Variants in PRKD1 observed in about 807,000 individuals in gnomAD.
The protein encoded by PRKD1 is protein kinase D1.
Under a neutral mutation model 95.9 loss-of-function variants are expected in PRKD1, and 63 were observed. The ratio of observed to expected loss-of-function variants is 0.66; its 90% CI spans 0.54 to 0.81. The LOEUF is 0.81. Among genes scored for constraint, PRKD1 ranks in the 30% least tolerant of loss-of-function variants. The pLI is 0.00. For missense variants in PRKD1, 1,048 were observed against 1,165.3 expected (o/e 0.90, Z 1.47); for synonymous variants, 425 against 423.1 (o/e 1.00, Z -0.05).
chr14:29,631,830 C>G (rs998143125), intron 9 of PRKD1, among the ~76,000 whole-genome samples: 2 of 148,214 alleles, frequency 1.3e-5, no homozygotes, highest in African/African-American at 5.0e-5. Context: ...GAGACAGAGA[C>G]TTATTCTGTT....
intron 1 of PRKD1, among the ~76,000 whole-genome samples, chr14:29,774,246 T>C (rs1267687296): frequency 2.0e-5 from 3 of 152,222 alleles, no homozygotes; most frequent in Non-Finnish European, 4.4e-5. Context: ...GGATGGGCAC[T>C]ACAGAAGAGT....
At chr14:29,712,369 C>A (rs1885374441) in intron 2 of PRKD1, among the ~76,000 whole-genome samples, 1 of 151,994 alleles carries the variant, frequency 6.6e-6, no homozygotes, top group Non-Finnish European at 1.5e-5. Context: ...TGATCAGAAC[C>A]TCAAGAAACT....
intron 1 of PRKD1, among the ~76,000 whole-genome samples, chr14:29,889,990 G>A (rs912951562): frequency 5.3e-5 from 8 of 152,306 alleles, no homozygotes; most frequent in Admixed American, 6.5e-5. Context: ...GGATACAGAA[G>A]GGAGTAGAAA....
chr14:29,663,455 G>A (rs1426150787), intron 4 of PRKD1, among the ~76,000 whole-genome samples: 2 of 152,050 alleles, frequency 1.3e-5, no homozygotes, highest in Non-Finnish European at 2.9e-5. Context: ...CTCTGGCCCT[G>A]TGACCACGAT....
chr14:29,908,422 T>C (rs781575483), intron 1 of PRKD1, among the ~76,000 whole-genome samples: 6 of 151,612 alleles, frequency 4.0e-5, no homozygotes, highest in Non-Finnish European at 5.9e-5. Flanking sequence ...GCCTCCCAAA[T>C]AGCTGGGATA....
intron 1 of PRKD1, among the ~76,000 whole-genome samples, chr14:29,882,859 CTGTG>C (rs10538155): frequency 1.3e-4 from 19 of 151,016 alleles, no homozygotes; most frequent in African/African-American, 4.6e-4. Flanking sequence ...CAATATTCCA[CTGTG>C]TGTGTGTGTG....
At chr14:29,808,373 CTTTTTTTTTTTTTTTTTTTTTTT>C (rs34250184) in intron 1 of PRKD1, among the ~76,000 whole-genome samples, 35 of 20,012 alleles carry the variant, frequency 1.7e-3, no homozygotes, top group South Asian at 4.0e-3. Flanking sequence ...TCAGGCTCTA[CTTTTTTTTTTTTTTTTTTTTTTT>C]TTTTTTTTTT....
chr14:29,917,167 C>A (rs1171561872), intron 1 of PRKD1, among the ~76,000 whole-genome samples: 2 of 152,122 alleles, frequency 1.3e-5, no homozygotes, highest in Non-Finnish European at 2.9e-5. Context: ...ATTCTAGCAC[C>A]TGAACTAGAA....
In PRKD1 at chr14:29,816,571, T is replaced by C. The variant is rs560347076; in HGVS notation, c.265-90897A>G. Among the ~76,000 whole-genome samples, 22 of 152,354 alleles carry C rather than the reference T, an allele frequency of 1.4e-4. 1 individual carries two copies. The East Asian group carries it at 4.1e-3, about 28-fold the overall frequency. On this transcript the variant is annotated intron_variant, in intron 1 of 17. Transcript: ENST00000331968. The stretch of plus-strand genomic sequence containing the variant: ...TTCTCATCATATGAAGTCCAACATA[T>C]GAACTTCTTTTAATTTTCTATTATC...
chr14:29,893,984 A>G (rs1046438853), intron 1 of PRKD1, among the ~76,000 whole-genome samples: 3 of 152,236 alleles, frequency 2.0e-5, no homozygotes, highest in Non-Finnish European at 4.4e-5. Context: ...AGAATCTATG[A>G]GAGAAGAGAA....
chr14:29,753,672 G>A (rs1241439756), intron 1 of PRKD1, among the ~76,000 whole-genome samples: 1 of 151,946 alleles, frequency 6.6e-6, no homozygotes, highest in Admixed American at 6.6e-5. Flanking sequence ...GTTTGTATGA[G>A]TATGCATTTA....
At chr14:29,856,042 C>A (rs1396015178) in intron 1 of PRKD1, among the ~76,000 whole-genome samples, 1 of 152,156 alleles carries the variant, frequency 6.6e-6, no homozygotes, top group South Asian at 2.1e-4. Context: ...TAGAGTCATT[C>A]TCTTCCTTCA....
chr14:29,826,725 A>C (rs1300691659), intron 1 of PRKD1, among the ~76,000 whole-genome samples: 2 of 91,700 alleles, frequency 2.2e-5, no homozygotes, highest in Non-Finnish European at 4.1e-5. Context: ...ATATATACAT[A>C]TATATACACA....
At chr14:29,607,132 G>C (rs1396986798) in intron 13 of PRKD1, among the ~76,000 whole-genome samples, 2 of 152,292 alleles carry the variant, frequency 1.3e-5, no homozygotes, top group South Asian at 4.1e-4. Context: ...AAATTTTATG[G>C]CATTTAAAAA....
At chr14:29,811,327 G>A (rs773801332) in intron 1 of PRKD1, among the ~76,000 whole-genome samples, 12 of 152,248 alleles carry the variant, frequency 7.9e-5, no homozygotes, top group Admixed American at 5.9e-4. Context: ...ACTGGCTAGC[G>A]GCTGAGTTCT....
intron 9 of PRKD1, among the ~76,000 whole-genome samples, chr14:29,632,447 G>T (rs1880067750): frequency 6.6e-6 from 1 of 151,970 alleles, no homozygotes; most frequent in African/African-American, 2.4e-5. Flanking sequence ...AGAGGAAAGT[G>T]CTCTTTGTGA....
chr14:29,624,272 A>C lies in PRKD1; in HGVS notation c.1799-14T>G. The C allele has an allele frequency of 4.4e-6, 7 of 1,573,962 alleles. No individual in the cohort carries two copies. Among genetic ancestry groups the C allele is most frequent in the Non-Finnish European group, 6.1e-6 (7 of 1,151,278 alleles). On this transcript the variant is annotated splice_polypyrimidine_tract_variant and intron_variant, in intron 12 of 17. Transcript: ENST00000331968. Reference sequence around the variant, plus strand: ...TACGATGTTTTCCTTTAAAATGAAAAAGGGAAGCATTAGTAAGTTATTAAA... The same window carrying C: ...TACGATGTTTTCCTTTAAAATGAAACAGGGAAGCATTAGTAAGTTATTAAA...
At chr14:29,832,523 T>C (rs1891452267) in intron 1 of PRKD1, among the ~76,000 whole-genome samples, 1 of 152,082 alleles carries the variant, frequency 6.6e-6, no homozygotes, top group Admixed American at 6.5e-5. Context: ...ACTTTACTGG[T>C]GGTATAAAAT....
At chr14:29,646,032 C>T (rs1881100869) in intron 4 of PRKD1, among the ~76,000 whole-genome samples, 1 of 152,116 alleles carries the variant, frequency 6.6e-6, no homozygotes, top group African/African-American at 2.4e-5. Flanking sequence ...ATCATTGTAA[C>T]ACCAATTTCT....
Sources: gnomAD v4.1 joint callset for allele counts (sites outside exome capture counted in the v4.1 genomes callset) on GRCh38, gnomAD v4.1.1 for gene constraint, MANE v1.5 for transcripts, NCBI Gene and HGNC (gene_info 2026-07-23, HGNC 2026-07-21) for gene names.